C13orf42: variants seen among roughly 807,000 people sequenced by gnomAD.
C13orf42 encodes uncharacterized protein C13orf42.
chr13:51,165,180 C>T (rs1409593757), intron 1 of C13orf42, among the ~76,000 whole-genome samples: 1 of 152,190 alleles, frequency 6.6e-6, no homozygotes, highest in African/African-American at 2.4e-5. Context: ...AGATCAAAGA[C>T]CCAGACCCTC....
At chr13:51,157,038 C>G (rs1203697404) in intron 1 of C13orf42, among the ~76,000 whole-genome samples, 1 of 152,202 alleles carries the variant, frequency 6.6e-6, no homozygotes, top group Non-Finnish European at 1.5e-5. Context: ...ATAAAGGGCA[C>G]AAATTGTAAA....
At chr13:51,124,273 T>C (rs993971520) in intron 1 of C13orf42, among the ~76,000 whole-genome samples, 17 of 152,262 alleles carry the variant, frequency 1.1e-4, no homozygotes, top group African/African-American at 4.1e-4. Flanking sequence ...TTAAAAACCC[T>C]GATCCCCAAG....
chr13:51,159,249 A>G (rs1331261855), intron 1 of C13orf42, among the ~76,000 whole-genome samples: 3 of 152,304 alleles, frequency 2.0e-5, no homozygotes, highest in East Asian at 1.9e-4. Flanking sequence ...TTACACACCT[A>G]TGATTTATAT....
chr13:51,083,721 GGAGCTACCTCTTT>G lies in C13orf42; in HGVS notation c.*417_*429del, dbSNP rs1271596306. On this transcript the variant is annotated 3_prime_UTR_variant, in exon 4 of 4. Transcript: ENST00000563710. Reference sequence around the variant, plus strand: ...CATGTCTCTGAGCCTCATAGAAAGAGGAGCTACCTCTTTGAAGCTTTGGCCCAGAAATCTACAG... The same window carrying G: ...CATGTCTCTGAGCCTCATAGAAAGAGGAAGCTTTGGCCCAGAAATCTACAG... 1.3e-5 allele frequency: 2 copies of G among 154,360 alleles called. No homozygotes were observed. Among genetic ancestry groups the G allele is most frequent in the Non-Finnish European group, 1.4e-5 (1 of 69,572 alleles). The allele number at this position is 154,360 out of a possible 1,614,324, so 9.6% of individuals were successfully genotyped here.
chr13:51,125,049 C>T (rs1311516188), intron 1 of C13orf42, among the ~76,000 whole-genome samples: 2 of 152,032 alleles, frequency 1.3e-5, no homozygotes, highest in Non-Finnish European at 2.9e-5. Flanking sequence ...CTTCTCAAGT[C>T]TTAGCTGGAA....
chr13:51,167,897 A>C (rs1953914463), intron 1 of C13orf42, among the ~76,000 whole-genome samples: 1 of 152,042 alleles, frequency 6.6e-6, no homozygotes, highest in Admixed American at 6.5e-5. Flanking sequence ...TTTACCTTTA[A>C]TCTCTGTGAG....
chr13:51,087,407 G>T (rs145310471), intron 2 of C13orf42, among the ~76,000 whole-genome samples: 1 of 152,176 alleles, frequency 6.6e-6, no homozygotes, highest in Non-Finnish European at 1.5e-5. Flanking sequence ...TTTTTTTTAA[G>T]TTGTGGTGAA....
intron 1 of C13orf42, among the ~76,000 whole-genome samples, chr13:51,167,404 T>A (rs1424386361): frequency 6.6e-6 from 1 of 152,186 alleles, no homozygotes; most frequent in African/African-American, 2.4e-5. Context: ...AAGCACCTTC[T>A]AAAGCTGAAA....
rs1342277624 is a variant in C13orf42, at chr13:51,161,932, A to C, written n.136+10321T>G. ...AGCAGGTAAAGGCACCTGGCTGACC[A>C]TCAGTGCTTCCCACGTTGTATTCAT... On this transcript the variant is annotated intron_variant and non_coding_transcript_variant, in intron 1 of 4. Transcript: ENST00000433280. The C allele has an allele frequency of 1.0e-5, 5 of 494,460 alleles. No individual in the cohort carries two copies. In the East Asian group the frequency reaches 2.9e-4, roughly 28 times the overall value. The allele number at this position is 494,460 out of a possible 1,614,324, so 30.6% of individuals were successfully genotyped here.
intron 1 of C13orf42, among the ~76,000 whole-genome samples, chr13:51,105,958 A>G (rs1454689615): frequency 6.6e-6 from 1 of 152,238 alleles, no homozygotes; most frequent in Non-Finnish European, 1.5e-5. Context: ...GGGAGATATG[A>G]AAGTATCTTG....
intron 1 of C13orf42, among the ~76,000 whole-genome samples, chr13:51,145,989 C>T (rs908315813): frequency 6.6e-6 from 1 of 152,140 alleles, no homozygotes; most frequent in African/African-American, 2.4e-5. Context: ...TAACTGAGAC[C>T]TGTCTCAACT....
Position 51,169,916 on chromosome 13 carries a change from T to C in C13orf42, n.136+2337A>G, listed in dbSNP as rs9596472. Among the ~76,000 whole-genome samples the C allele has an allele frequency of 1.3e-3, 191 of 152,302 alleles. 1 individual carries two copies. The highest frequency in any genetic ancestry group is 3.6e-3 in the African/African-American group (149 of 41,554). ...GCCATCGCATCCCCTGTGACTTGCA[T>C]GTATACGCCCAGATGGCCTGAAGTA... On this transcript the variant is annotated intron_variant and non_coding_transcript_variant, in intron 1 of 4. Coordinates refer to the C13orf42 transcript ENST00000433280.
intron 1 of C13orf42, among the ~76,000 whole-genome samples, chr13:51,138,994 A>G (rs1180348484): frequency 2.0e-5 from 3 of 152,228 alleles, no homozygotes; most frequent in Non-Finnish European, 2.9e-5. Flanking sequence ...CAAATACTGT[A>G]TGATTTCCCT....
At chr13:51,151,074 G>C (rs1039853546) in intron 1 of C13orf42, among the ~76,000 whole-genome samples, 3 of 152,194 alleles carry the variant, frequency 2.0e-5, no homozygotes, top group African/African-American at 7.2e-5. Flanking sequence ...CATTGTAGTA[G>C]ACAGAATAAC....
chr13:51,095,050 CCAT>C (rs1193788450), intron 1 of C13orf42, among the ~76,000 whole-genome samples: 3 of 151,910 alleles, frequency 2.0e-5, no homozygotes, highest in African/African-American at 7.2e-5. Flanking sequence ...TTGCCTTCCA[CCAT>C]GATTGTGAGG....
chr13:51,164,413 G>A (rs1239092055), intron 1 of C13orf42, among the ~76,000 whole-genome samples: 1 of 152,192 alleles, frequency 6.6e-6, no homozygotes, highest in African/African-American at 2.4e-5. Context: ...TGAAACCACA[G>A]CACTTTGGGA....
chr13:51,109,449 A>G (rs538095927), intron 1 of C13orf42, among the ~76,000 whole-genome samples: 1 of 152,338 alleles, frequency 6.6e-6, no homozygotes, highest in African/African-American at 2.4e-5. Flanking sequence ...TACGGGCATT[A>G]GAAATAAATA....
At chr13:51,153,630 C>G (rs113257034) in intron 1 of C13orf42, among the ~76,000 whole-genome samples, 1 of 81,204 alleles carries the variant, frequency 1.2e-5, no homozygotes, top group African/African-American at 4.7e-5. Context: ...TGTTTTTTTT[C>G]TTTTTTTTTT....
At chr13:51,167,394 A>G (rs1161543552) in intron 1 of C13orf42, among the ~76,000 whole-genome samples, 9 of 152,240 alleles carry the variant, frequency 5.9e-5, no homozygotes, top group Non-Finnish European at 5.9e-5. Flanking sequence ...AAGCACACAC[A>G]AGCACCTTCT....
Sources: gnomAD v4.1 joint callset for allele counts (sites outside exome capture counted in the v4.1 genomes callset) on GRCh38, gnomAD v4.1.1 for gene constraint, MANE v1.5 for transcripts, NCBI Gene and HGNC (gene_info 2026-07-23, HGNC 2026-07-21) for gene names.